The following PRKCA variants were observed in gnomAD, a reference collection of about 807,000 sequenced individuals.
The protein encoded by PRKCA is protein kinase C alpha type.
In PRKCA, 27 loss-of-function variants were observed where a neutral mutation model predicts 87.0. The ratio of observed to expected loss-of-function variants is 0.31; its 90% CI spans 0.23 to 0.43. PRKCA has a LOEUF of 0.43. PRKCA is among the 20% of genes least tolerant of loss of function. PRKCA has a pLI of 1.00. For synonymous variants in PRKCA, 329 were observed against 311.1 expected (o/e 1.06, Z -0.61); for missense variants, 518 against 852.3 (o/e 0.61, Z 4.88).
intron 2 of PRKCA, among the ~76,000 whole-genome samples, chr17:66,361,435 T>A (rs1035731568): frequency 6.6e-6 from 1 of 151,458 alleles, no homozygotes; most frequent in African/African-American, 2.4e-5. Context: ...CCTCAGTCTC[T>A]CGAGTAGCTG....
In PRKCA at chr17:66,805,748, T is replaced by C. The variant is rs1402066658; in HGVS notation, c.*1711T>C. 2 of 151,934 alleles carry C rather than the reference T, an allele frequency of 1.3e-5. No individual in the cohort carries two copies. Among genetic ancestry groups the C allele is most frequent in the African/African-American group, 2.4e-5 (1 of 41,362 alleles). 9.4% of individuals were successfully genotyped at this position (151,934 alleles called of 1,614,324 possible). On this transcript the variant is annotated 3_prime_UTR_variant, in exon 17 of 17. Transcript: ENST00000413366. ...TCTGATTCCAGTCTGCCTAGTACGT[T>C]GGTACACACGTGGCATTGCCGCAGC...
chr17:66,308,396 C>CT (rs11393812), intron 2 of PRKCA, among the ~76,000 whole-genome samples: 22,804 of 151,122 alleles, frequency 0.15, 2,230 homozygotes, highest in African/African-American at 0.27. Context: ...TGAGCTTGAA[C>CT]TTTTTTTTTC....
intron 2 of PRKCA, chr17:66,404,033 C>T (rs993115176): frequency 6.6e-6 from 1 of 152,214 alleles, no homozygotes; most frequent in Admixed American, 6.5e-5. Context: ...GAGCTACATA[C>T]GCTTCATCAT....
intron 3 of PRKCA, among the ~76,000 whole-genome samples, chr17:66,528,221 CAA>C (rs60533049): frequency 0.012 from 1,021 of 85,862 alleles, 8 homozygotes; most frequent in Middle Eastern, 0.022. Context: ...AACTCTGTCT[CAA>C]AAAAAAAAAA....
intron 3 of PRKCA, among the ~76,000 whole-genome samples, chr17:66,587,907 A>G (rs1008003398): frequency 0.27 from 18,775 of 68,552 alleles, 3,645 homozygotes; most frequent in African/African-American, 0.49. Flanking sequence ...ATATATATAT[A>G]TATATATATA....
chr17:66,358,090 A>C (rs901821438), intron 2 of PRKCA, among the ~76,000 whole-genome samples: 2 of 152,164 alleles, frequency 1.3e-5, no homozygotes, highest in Admixed American at 6.5e-5. Context: ...ACATTTGAAA[A>C]GTTCAATAAG....
intron 2 of PRKCA, among the ~76,000 whole-genome samples, chr17:66,470,963 T>G (rs958394550): frequency 2.7e-4 from 41 of 152,214 alleles, no homozygotes; most frequent in African/African-American, 9.9e-4. Context: ...TGCCCTTTTC[T>G]TAGCCTTTCC....
At chr17:66,330,413 G>C (rs1012668194) in intron 2 of PRKCA, among the ~76,000 whole-genome samples, 3 of 152,044 alleles carry the variant, frequency 2.0e-5, no homozygotes, top group Admixed American at 6.6e-5. Context: ...GGCCCCTGGA[G>C]ATAATATTGA....
rs148842588 is a variant in PRKCA at position 66,336,754 on chromosome 17, T to TTGTGTGTG, written c.205+30669_205+30676dup. On this transcript the variant is annotated intron_variant, in intron 2 of 16. Transcript: ENST00000413366. The stretch of plus-strand genomic sequence containing the variant: ...ACATCCTGAACCCCTGCAAATAAGT[T>TTGTGTGTG]TGTGTGTGTGTGTGTGTGTGTGTGT... Among the ~76,000 whole-genome samples the TTGTGTGTG allele has an allele frequency of 4.9e-3, 649 of 133,706 alleles. 4 individuals carry two copies. Among genetic ancestry groups the TTGTGTGTG allele is most frequent in the East Asian group, 0.016 (68 of 4,264 alleles). 87.7% of individuals were successfully genotyped at this position (133,706 alleles called of 152,430 possible). A position where few individuals can be genotyped will look rare whatever the true frequency, so the allele number is the denominator to read the frequency against.
At chr17:66,405,862 T>C (rs1344609619) in intron 2 of PRKCA, among the ~76,000 whole-genome samples, 3 of 152,236 alleles carry the variant, frequency 2.0e-5, no homozygotes, top group Non-Finnish European at 4.4e-5. Flanking sequence ...TATGCTTTGC[T>C]GGACTCTGCC....
chr17:66,372,496 A>G (rs1245877852), intron 2 of PRKCA, among the ~76,000 whole-genome samples: 2 of 152,190 alleles, frequency 1.3e-5, no homozygotes, highest in African/African-American at 4.8e-5. Context: ...GTCTCACGCA[A>G]AATTTAAGAA....
chr17:66,757,731 TGGG>T (rs1974586053), intron 13 of PRKCA, among the ~76,000 whole-genome samples: 3 of 152,280 alleles, frequency 2.0e-5, no homozygotes, highest in Admixed American at 2.0e-4. Flanking sequence ...TTTTGTTTTT[TGGG>T]TTTTTCTTGA....
intron 3 of PRKCA, among the ~76,000 whole-genome samples, chr17:66,530,982 A>AT (rs974013313): frequency 2.4e-4 from 36 of 152,160 alleles, no homozygotes; most frequent in African/African-American, 8.4e-4. Context: ...GATTACTTAG[A>AT]TTTTTTGGGA....
chr17:66,314,941 G>A (rs1905239585), intron 2 of PRKCA, among the ~76,000 whole-genome samples: 1 of 151,592 alleles, frequency 6.6e-6, no homozygotes. Context: ...ATATGTGTGT[G>A]TGTATGTGTA....
chr17:66,320,429 G>A lies in PRKCA; in HGVS notation c.205+14302G>A, dbSNP rs149679020. Among the ~76,000 whole-genome samples, 344 of 151,822 alleles carry A rather than the reference G, an allele frequency of 2.3e-3. 2 individuals carry two copies. The highest frequency in any genetic ancestry group is 8.1e-3 in the African/African-American group (337 of 41,414). ...GAGGGAATCTGCAAACAAAGCAGAC[G>A]TGAGATTCCTTTTATTTTCTTTGAA... On this transcript the variant is annotated intron_variant, in intron 2 of 16. Transcript: ENST00000413366.
In PRKCA at chr17:66,805,352, AGAG is replaced by A; in HGVS notation, c.*1316_*1318del. ...ATTGATATAATCGTATCAAGTATAA[AGAG>A]AGTATTATAATAATTTTATAAGACA... On this transcript the variant is annotated 3_prime_UTR_variant, in exon 17 of 17. Coordinates refer to ENST00000413366, the MANE Select transcript of PRKCA (RefSeq NM_002737.3). 1.3e-5 allele frequency: 2 copies of A among 158,830 alleles called. No individual in the cohort carries two copies. The highest frequency in any genetic ancestry group is 2.7e-5 in the Non-Finnish European group (2 of 73,720). The allele number at this position is 158,830 out of a possible 1,614,324, so 9.8% of individuals were successfully genotyped here.
At chr17:66,347,334 T>C (rs72846603) in intron 2 of PRKCA, among the ~76,000 whole-genome samples, 34,924 of 152,030 alleles carry the variant, frequency 0.23, 4,915 homozygotes, top group African/African-American at 0.4. Context: ...TGATATGTTT[T>C]GGTTGAAGTG....
intron 2 of PRKCA, among the ~76,000 whole-genome samples, chr17:66,402,123 G>A (rs1453259867): frequency 2.6e-5 from 4 of 152,174 alleles, no homozygotes. Flanking sequence ...AAGTAGAAAG[G>A]TTCCAGAATG....
intron 2 of PRKCA, among the ~76,000 whole-genome samples, chr17:66,400,018 G>A (rs907270439): frequency 1.3e-5 from 2 of 152,090 alleles, no homozygotes; most frequent in African/African-American, 4.8e-5. Flanking sequence ...TCGAATTTTG[G>A]AGCATTTCAG....
Sources: allele counts gnomAD v4.1 joint callset (sites outside exome capture counted in the v4.1 genomes callset), GRCh38; gene constraint gnomAD v4.1.1; transcripts MANE v1.5; gene names NCBI Gene and HGNC (gene_info 2026-07-23, HGNC 2026-07-21).